Variants in NAA38 observed in about 807,000 individuals in gnomAD.
NAA38 encodes N-alpha-acetyltransferase 38, NatC auxiliary subunit.
Under a neutral mutation model 12.6 loss-of-function variants are expected in NAA38, and 15 were observed. That is an observed-to-expected ratio of 1.19 (90% CI 0.79 to 1.83). The LOEUF is 1.83. Ranked by LOEUF, NAA38 falls within the 40% of genes most tolerant of loss-of-function variation. The probability of loss-of-function intolerance (pLI) is 0.00; values close to 1 mark genes in which losing one functional copy is unlikely to be tolerated. For synonymous variants in NAA38, 88 were observed against 69.9 expected (o/e 1.26, Z -1.29); for missense variants, 183 against 171.7 (o/e 1.07, Z -0.37).
rs762786884 is a variant in NAA38, at chr17:7,857,488, T to C, written c.-25A>G. 2.0e-6 allele frequency: 3 copies of C among 1,505,106 alleles called. No individual in the cohort carries two copies. The highest frequency in any genetic ancestry group is 2.7e-6 in the Non-Finnish European group (3 of 1,127,564). The allele number at this position is 1,505,106 out of a possible 1,614,324, so 93.2% of individuals were successfully genotyped here. Reference sequence around the variant, plus strand: ...TTTGCCCGGAGGCCTCCTCTGGGCCTTTCAACTTCCTAAGCACCTTTCAGG... The same window carrying C: ...TTTGCCCGGAGGCCTCCTCTGGGCCCTTCAACTTCCTAAGCACCTTTCAGG... On this transcript the variant is annotated 5_prime_UTR_variant, in exon 1 of 3. Coordinates refer to ENST00000575771, the MANE Select transcript of NAA38 (RefSeq NM_001320925.4).
At chr17:7,868,031 T>C (rs569030108) in intron 2 of NAA38, among the ~76,000 whole-genome samples, 1 of 152,302 alleles carries the variant, frequency 6.6e-6, no homozygotes, top group South Asian at 2.1e-4. Context: ...GGCAGGCACA[T>C]GTCCAGATCT....
intron 2 of NAA38, among the ~76,000 whole-genome samples, chr17:7,879,561 C>A (rs1290882155): frequency 6.6e-6 from 1 of 151,804 alleles, no homozygotes; most frequent in Non-Finnish European, 1.5e-5. Flanking sequence ...GCTTGAGAGT[C>A]CCTTAAAAAT....
upstream of NAA38, chr17:7,859,195 GTGGCT>G: frequency 1.6e-6 from 1 of 608,104 alleles, no homozygotes; most frequent in Non-Finnish European, 2.9e-6. Flanking sequence ...GTAGTTAGAA[GTGGCT>G]GCCATTAAGA....
rs749683540 is a variant in NAA38 at position 7,857,478 on chromosome 17, C to T, written c.-15G>A. 1,015 of 1,513,448 alleles carry T rather than the reference C, an allele frequency of 6.7e-4. No homozygotes were observed. Among genetic ancestry groups the T allele is most frequent in the Non-Finnish European group, 8.4e-4 (953 of 1,131,332 alleles). 93.8% of individuals were successfully genotyped at this position (1,513,448 alleles called of 1,614,324 possible). On this transcript the variant is annotated 5_prime_UTR_variant, in exon 1 of 3. Transcript: ENST00000575771. ...GCTCCGGCCATTTGCCCGGAGGCCT[C>T]CTCTGGGCCTTTCAACTTCCTAAGC...
chr17:7,858,732 C>A (rs1489983457), upstream of NAA38: 2 of 1,606,694 alleles, frequency 1.2e-6, no homozygotes, highest in Non-Finnish European at 1.7e-6. Flanking sequence ...GCCCTGGTGG[C>A]AGGGGTCGTA....
intron 2 of NAA38, among the ~76,000 whole-genome samples, chr17:7,873,887 T>G (rs1240418748): frequency 6.6e-6 from 1 of 152,142 alleles, no homozygotes; most frequent in African/African-American, 2.4e-5. Context: ...TGAACTAGTG[T>G]AAGGAGAAGG....
In NAA38 at chr17:7,884,872, A is replaced by C; in HGVS notation, c.-167+293T>G. On this transcript the variant is annotated intron_variant, in intron 1 of 4. Coordinates refer to the NAA38 transcript ENST00000576861. ...AGATGGTGGTGTCGGAGGAGGAAGA[A>C]GAGGAGGAAGAAGAGGGCGACGAGG... 3 of 1,227,962 alleles carry C rather than the reference A, an allele frequency of 2.4e-6. No individual in the cohort carries two copies. The highest frequency in any genetic ancestry group is 2.5e-5 in the Admixed American group (1 of 40,038). 76.1% of individuals were successfully genotyped at this position (1,227,962 alleles called of 1,614,324 possible).
chr17:7,869,197 C>T (rs1237925790), intron 2 of NAA38, among the ~76,000 whole-genome samples: 4 of 152,162 alleles, frequency 2.6e-5, no homozygotes, highest in African/African-American at 7.2e-5. Flanking sequence ...CTCACCACAA[C>T]CCTTTGAGAT....
intron 2 of NAA38, among the ~76,000 whole-genome samples, chr17:7,872,872 T>C (rs1967110203): frequency 6.6e-6 from 1 of 152,182 alleles, no homozygotes; most frequent in African/African-American, 2.4e-5. Flanking sequence ...GGGTGCCTAA[T>C]GTGTGCCTGG....
At chr17:7,859,389 T>C, upstream of NAA38, 7 of 1,613,448 alleles carry the variant, frequency 4.3e-6, no homozygotes, top group Non-Finnish European at 5.9e-6. Flanking sequence ...CAGGTGGGGG[T>C]TCTGGAGTCC....
intron 2 of NAA38, among the ~76,000 whole-genome samples, chr17:7,881,998 G>A (rs1672017741): frequency 6.6e-6 from 1 of 151,844 alleles, no homozygotes; most frequent in Non-Finnish European, 1.5e-5. Context: ...GAAATAAGGA[G>A]AGAAGAAGAA....
upstream of NAA38, chr17:7,861,815 C>T (rs572259977): frequency 2.6e-4 from 40 of 152,332 alleles, no homozygotes; most frequent in African/African-American, 8.2e-4. Flanking sequence ...ACCTAAACAT[C>T]GAACTTTCCT....
rs2151384572 is a variant in NAA38, at chr17:7,857,540, C to T, written c.-77G>A. ...TGGGTGGTCCGAGATCTCGCGAGCG[C>T]TCCCGACCTCTTTCCTTTCGCGAGA... is the stretch of plus-strand genomic sequence containing the variant. On this transcript the variant is annotated 5_prime_UTR_variant, in exon 1 of 3. Transcript: ENST00000575771. The T allele has an allele frequency of 6.9e-7, 1 of 1,453,192 alleles. No individual in the cohort carries two copies. Among genetic ancestry groups the T allele is most frequent in the East Asian group, 2.5e-5 (1 of 40,332 alleles). 90.0% of individuals were successfully genotyped at this position (1,453,192 alleles called of 1,614,324 possible). A position where few individuals can be genotyped will look rare whatever the true frequency, so the allele number is the denominator to read the frequency against.
chr17:7,863,167 T>A (rs1437818343), intron 3 of NAA38: 2 of 152,174 alleles, frequency 1.3e-5, no homozygotes, highest in East Asian at 1.9e-4. Context: ...TGCATTCACT[T>A]ATTAATACTT....
chr17:7,882,537 A>AG (rs890600266), intron 2 of NAA38, among the ~76,000 whole-genome samples: 11 of 152,080 alleles, frequency 7.2e-5, no homozygotes, highest in Non-Finnish European at 8.8e-5. Context: ...CAATATAGAA[A>AG]GGGGGGGATA....
chr17:7,861,927 T>C (rs2078886082), upstream of NAA38: 1 of 152,270 alleles, frequency 6.6e-6, no homozygotes, highest in Non-Finnish European at 1.5e-5. Flanking sequence ...TTGTTCTCTA[T>C]GGCCTAGACA....
chr17:7,857,763 CCCTT>C (rs2078841290), upstream of NAA38: 1 of 1,277,280 alleles, frequency 7.8e-7, no homozygotes, highest in South Asian at 2.4e-5. Context: ...ACTGCCTCCT[CCCTT>C]GTTTTTCTGT....
chr17:7,858,978 C>G, upstream of NAA38: 1 of 682,726 alleles, frequency 1.5e-6, no homozygotes, highest in East Asian at 2.8e-5. Context: ...GCACCTAGGT[C>G]CCCAGGGTTG....
chr17:7,883,732 T>C (rs1195603877), intron 1 of NAA38, among the ~76,000 whole-genome samples: 1 of 151,942 alleles, frequency 6.6e-6, no homozygotes, highest in African/African-American at 2.4e-5. Flanking sequence ...ATGAGGTATG[T>C]AGAAACAGAG....
Sources: gnomAD v4.1 joint callset for allele counts (sites outside exome capture counted in the v4.1 genomes callset) on GRCh38, gnomAD v4.1.1 for gene constraint, MANE v1.5 for transcripts, NCBI Gene and HGNC (gene_info 2026-07-23, HGNC 2026-07-21) for gene names.